The following ENPEP variants were observed in gnomAD, a reference collection of about 807,000 sequenced individuals.
ENPEP encodes the protein AP-A.
Under a neutral mutation model 114.5 loss-of-function variants are expected in ENPEP, and 103 were observed. The ratio of observed to expected loss-of-function variants is 0.90; its 90% CI spans 0.77 to 1.06. The LOEUF (loss-of-function observed/expected upper bound fraction) is 1.06, where lower values mean the gene tolerates loss of function less well. Among genes scored for constraint, ENPEP ranks in the 50% least tolerant of loss-of-function variants. The pLI is 0.00. For synonymous variants in ENPEP, 420 were observed against 422.0 expected (o/e 1.00, Z 0.06); for missense variants, 1,196 against 1,161.3 (o/e 1.03, Z -0.43).
At position 110,476,301 on chromosome 4, in the gene ENPEP, G is replaced by A. The variant is rs1275925607; in HGVS notation, c.-114G>A. The A allele has an allele frequency of 3.2e-5, 44 of 1,386,166 alleles. No homozygotes were observed. Among genetic ancestry groups the A allele is most frequent in the Non-Finnish European group, 3.7e-5 (38 of 1,030,668 alleles). 85.9% of individuals were successfully genotyped at this position (1,386,166 alleles called of 1,614,324 possible). A position where few individuals can be genotyped will look rare whatever the true frequency, so the allele number is the denominator to read the frequency against. ...CCAGAGAGAGGGGTGTGGGAAAAGCGAAAACAGGCTGCCAAATCAGGGGAT... is the reference window on the plus strand; with the variant it reads ...CCAGAGAGAGGGGTGTGGGAAAAGCAAAAACAGGCTGCCAAATCAGGGGAT... On this transcript the variant is annotated 5_prime_UTR_variant, in exon 1 of 20. Transcript: ENST00000265162.
chr4:110,521,904 A>C (rs890543495), intron 10 of ENPEP, among the ~76,000 whole-genome samples: 1 of 151,132 alleles, frequency 6.6e-6, no homozygotes, highest in African/African-American at 2.4e-5. Context: ...TTCGAGACAG[A>C]GTCTCACTCT....
chr4:110,499,204 T>C (rs1297449640), intron 3 of ENPEP, among the ~76,000 whole-genome samples: 2 of 152,236 alleles, frequency 1.3e-5, no homozygotes, highest in African/African-American at 4.8e-5. Flanking sequence ...TAATTCAGTG[T>C]ATTATCTCTA....
At chr4:110,491,318 T>C (rs546667033) in intron 3 of ENPEP, among the ~76,000 whole-genome samples, 154 bp downstream of exon 3, 2 of 149,848 alleles carry the variant, frequency 1.3e-5, no homozygotes, top group Admixed American at 1.4e-4. Context: ...CATAGAAAAA[T>C]GTAGGCTGAA....
At chr4:110,508,550 G>A (rs562375177) in intron 4 of ENPEP, among the ~76,000 whole-genome samples, 1 of 152,198 alleles carries the variant, frequency 6.6e-6, no homozygotes, top group Non-Finnish European at 1.5e-5. Context: ...GGTGGCTCAC[G>A]CCTGTAATCC....
In ENPEP at chr4:110,548,210, T is replaced by G; in HGVS notation, c.2035T>G (p.Leu679Val). The G allele has an allele frequency of 6.4e-7, 1 of 1,569,808 alleles. No homozygotes were observed. Among genetic ancestry groups the G allele is most frequent in the Non-Finnish European group, 8.7e-7 (1 of 1,155,498 alleles). ...TCTAGATTATAAGGTGGCTTTGAAC[T>G]TGACCAAGTATCTCAAAAGGGAAGA... ...QLLDYKVALN[L>V]TKYLKREENF... Residue 679 changes from leucine (L) to valine (V), a missense_variant, in exon 14 of 20, where the codon TTG becomes GTG. Physicochemically the swap from Leu to Val is conservative, Grantham distance 32. Coordinates refer to ENST00000265162, the MANE Select transcript of ENPEP (RefSeq NM_001977.4).
intron 18 of ENPEP, among the ~76,000 whole-genome samples, chr4:110,554,693 C>G (rs571472793): frequency 1.1e-4 from 17 of 152,072 alleles, no homozygotes; most frequent in African/African-American, 3.4e-4. Context: ...GTAATACCCT[C>G]CATTTTGAAA....
At chr4:110,530,119 G>C (rs1463300984) in intron 10 of ENPEP, among the ~76,000 whole-genome samples, 1 of 152,012 alleles carries the variant, frequency 6.6e-6, no homozygotes, top group Non-Finnish European at 1.5e-5. Context: ...GAGATAAGGA[G>C]GAAGCACTGA....
chr4:110,510,358 G>A lies in ENPEP; in HGVS notation c.1308G>A (p.Met436Ile). ...GVNHAETDWQ[M>I]RDQMLLEDVL... ...ACCATGCAGAAACAGACTGGCAAATGGTGAGTCCTAAACACATAAACTTGA... is the reference window on the plus strand; with the variant it reads ...ACCATGCAGAAACAGACTGGCAAATAGTGAGTCCTAAACACATAAACTTGA... Residue 436 changes from methionine (M) to isoleucine (I), a missense_variant and splice_region_variant, in exon 6 of 20, where the codon ATG (methionine) becomes ATA (isoleucine). Transcript: ENST00000265162. The A allele has an allele frequency of 6.2e-7, 1 of 1,610,008 alleles. No homozygotes were observed. Among genetic ancestry groups the A allele is most frequent in the East Asian group, 2.2e-5 (1 of 44,870 alleles).
intron 10 of ENPEP, among the ~76,000 whole-genome samples, chr4:110,523,581 A>G (rs1013133716): frequency 9.9e-5 from 15 of 152,220 alleles, no homozygotes; most frequent in Admixed American, 8.5e-4. Flanking sequence ...GACCAACACT[A>G]TATACAATAT....
In ENPEP at chr4:110,553,396, C is replaced by G. The variant is rs35812243; in HGVS notation, c.2583C>G (p.Ser861Arg). ...TCATTCGATATATCTCATATAACAG[C>G]TATGGGAAGAACATGGCCTGGAATT... ...FTVIRYISYN[S>R]YGKNMAWNWI... The change falls in exon 18 of 20, where the codon AGC (serine) becomes AGG (arginine). Residue 861 changes from serine (S) to arginine (R), a missense_variant. By Grantham distance (110) the Ser-to-Arg change is moderately radical. Coordinates refer to ENST00000265162, the MANE Select transcript of ENPEP (RefSeq NM_001977.4). 4 of 1,611,366 alleles carry G rather than the reference C, an allele frequency of 2.5e-6. No individual in the cohort carries two copies. The highest frequency in any genetic ancestry group is 3.4e-6 in the Non-Finnish European group (4 of 1,178,220).
intron 8 of ENPEP, among the ~76,000 whole-genome samples, chr4:110,518,258 A>C (rs1367990442): frequency 6.6e-6 from 1 of 152,260 alleles, no homozygotes; most frequent in Non-Finnish European, 1.5e-5. Context: ...ATATGTGGTC[A>C]TGAAATAGAA....
chr4:110,528,759 A>G (rs557874665), intron 10 of ENPEP, among the ~76,000 whole-genome samples: 21 of 152,286 alleles, frequency 1.4e-4, no homozygotes, highest in East Asian at 5.8e-4. Flanking sequence ...GCTTGGTGCA[A>G]TCAAAGTCAG....
rs527998647 is a variant in ENPEP at position 110,506,875 on chromosome 4, C to G, written c.1039+118C>G. ...ACAGTTATCCTTAAGTCCTTTTATTCTATGCCGACAATATCTTGGGCTCAA... is the reference window on the plus strand; with the variant it reads ...ACAGTTATCCTTAAGTCCTTTTATTGTATGCCGACAATATCTTGGGCTCAA... On this transcript the variant is annotated intron_variant, in intron 4 of 19. Coordinates refer to ENST00000265162, the MANE Select transcript of ENPEP (RefSeq NM_001977.4). 186 of 949,800 alleles carry G rather than the reference C, an allele frequency of 2.0e-4. 1 individual carries two copies. The South Asian group carries it at 2.5e-3, about 13-fold the overall frequency. 58.8% of individuals were successfully genotyped at this position (949,800 alleles called of 1,614,324 possible).
Position 110,542,899 on chromosome 4 carries a change from C to G in ENPEP, c.1944+12C>G, listed in dbSNP as rs781086561. On this transcript the variant is annotated intron_variant, in intron 12 of 19. Transcript: ENST00000265162. ...CCTTGAACCACAAGGTAAGAGATAG[C>G]AATGGTTGGAAACTTTTATTTTTGT... is the stretch of plus-strand genomic sequence containing the variant. The G allele has an allele frequency of 6.2e-7, 1 of 1,611,254 alleles. No individual in the cohort carries two copies. The highest frequency in any genetic ancestry group is 2.2e-5 in the East Asian group (1 of 44,830).
chr4:110,553,281 A>C, intron 17 of ENPEP, 34 bp from the exon 18 acceptor site: 2 of 1,519,080 alleles, frequency 1.3e-6, no homozygotes, highest in South Asian at 1.3e-5. Flanking sequence ...TTAAAAGTTC[A>C]CTTTGAATTG....
Position 110,563,221 on chromosome 4 carries a change from A to C in ENPEP, c.*1663A>C, listed in dbSNP as rs1162881578. 6.6e-6 allele frequency: 1 copy of C among 152,204 alleles called. No individual in the cohort carries two copies. The highest frequency in any genetic ancestry group is 6.5e-5 in the Admixed American group (1 of 15,280). The allele number at this position is 152,204 out of a possible 1,614,324, so 9.4% of individuals were successfully genotyped here. A position where few individuals can be genotyped will look rare whatever the true frequency, so the allele number is the denominator to read the frequency against. On this transcript the variant is annotated 3_prime_UTR_variant, in exon 20 of 20. Transcript: ENST00000265162. ...TTGAAGTCTATGTATTGTTTCAAGTAGGACATATTATGAGGTGAGATGGTT... is the reference window on the plus strand; with the variant it reads ...TTGAAGTCTATGTATTGTTTCAAGTCGGACATATTATGAGGTGAGATGGTT...
intron 8 of ENPEP, among the ~76,000 whole-genome samples, chr4:110,516,242 T>C (rs909095889): frequency 4.6e-5 from 7 of 152,226 alleles, no homozygotes; most frequent in Non-Finnish European, 8.8e-5. Context: ...ACAATAAACT[T>C]TCTGAAACAT....
chr4:110,528,712 A>G (rs1726292595), intron 10 of ENPEP, among the ~76,000 whole-genome samples: 1 of 152,174 alleles, frequency 6.6e-6, no homozygotes, highest in South Asian at 2.1e-4. Context: ...AGTCCACTCC[A>G]TGTAAACAGG....
chr4:110,477,617 A>G (rs929409274), intron 1 of ENPEP, among the ~76,000 whole-genome samples: 1 of 152,036 alleles, frequency 6.6e-6, no homozygotes, highest in Admixed American at 6.5e-5. Context: ...GGAAGACAGG[A>G]CTGTGTTTTT....
Sources: allele counts gnomAD v4.1 joint callset (sites outside exome capture counted in the v4.1 genomes callset), GRCh38; gene constraint gnomAD v4.1.1; transcripts MANE v1.5; gene names NCBI Gene and HGNC (gene_info 2026-07-23, HGNC 2026-07-21).